The following VEZT variants were observed in gnomAD, a reference collection of about 807,000 sequenced individuals.
The protein encoded by VEZT is vezatin, adherens junctions transmembrane protein.
A neutral mutation model predicts 79.9 loss-of-function variants in VEZT; 39 were observed. The observed-to-expected ratio is 0.49, with a 90% CI of 0.38 to 0.64. The LOEUF is 0.64. Among genes scored for constraint, VEZT ranks in the 30% least tolerant of loss-of-function variants. VEZT has a pLI of 0.00. For missense variants in VEZT, 837 were observed against 893.1 expected, an observed-to-expected ratio of 0.94 and a Z score of 0.80; for synonymous variants, 325 against 327.6, an observed-to-expected ratio of 0.99 and a Z score of 0.09.
rs868757818 is a variant in VEZT, at chr12:95,258,437, A to G, written c.258+1198A>G. 8 of 293,132 alleles carry G rather than the reference A, an allele frequency of 2.7e-5. No homozygotes were observed. The Middle Eastern group carries it at 1.2e-3, about 46-fold the overall frequency. The allele number at this position is 293,132 out of a possible 1,614,324, so 18.2% of individuals were successfully genotyped here. On this transcript the variant is annotated intron_variant, in intron 3 of 11. Coordinates refer to ENST00000436874, the MANE Select transcript of VEZT (RefSeq NM_017599.4). ...TTCTGTATGCATCCCTTTTGTGCCT[A>G]TATTATGGAGAACTATAAGAATACA...
At chr12:95,232,812 T>A (rs937113121) in intron 1 of VEZT, among the ~76,000 whole-genome samples, 3 of 152,134 alleles carry the variant, frequency 2.0e-5, no homozygotes, top group African/African-American at 7.2e-5. Flanking sequence ...TGTTTTGTTT[T>A]TTGGGTTTTT....
intron 6 of VEZT, among the ~76,000 whole-genome samples, chr12:95,272,598 T>C (rs751522371): frequency 2.0e-5 from 3 of 152,212 alleles, no homozygotes; most frequent in Non-Finnish European, 4.4e-5. Context: ...CAGTAAGATA[T>C]GTAAACCCTT....
At chr12:95,247,387 A>G (rs762539257) in intron 1 of VEZT, among the ~76,000 whole-genome samples, 1 of 152,232 alleles carries the variant, frequency 6.6e-6, no homozygotes, top group Admixed American at 6.5e-5. Flanking sequence ...GCAGAAGCAG[A>G]TATAAGTATC....
chr12:95,252,456 A>G (rs184842005), intron 2 of VEZT: 42 of 154,538 alleles, frequency 2.7e-4, no homozygotes, highest in South Asian at 1.0e-3. Flanking sequence ...ACGCAAATTG[A>G]TATTTCTTAA....
intron 8 of VEZT, chr12:95,286,738 A>AT (rs1164057655): frequency 3.0e-6 from 1 of 329,152 alleles, no homozygotes; most frequent in African/African-American, 2.2e-5. Context: ...TATCTAGTAC[A>AT]TTTTCCACCA....
intron 9 of VEZT, among the ~76,000 whole-genome samples, chr12:95,288,825 A>G (rs1249298656): frequency 6.6e-6 from 1 of 152,158 alleles, no homozygotes; most frequent in African/African-American, 2.4e-5. Context: ...ATATATGCAA[A>G]TACTTATGCA....
At position 95,262,953 on chromosome 12, in the gene VEZT, A is replaced by AG. The variant is rs1163506586; in HGVS notation, c.307dup (p.Val103GlyfsTer11). On this transcript the variant is annotated frameshift_variant, in exon 4 of 12. Transcript: ENST00000436874. LOFTEE classifies it high-confidence loss of function. ...CATTACATACCATCCTGCAACAGGA[A>AG]GTCCTGTTACAAGAGGATGTGGAGC... The AG allele has an allele frequency of 6.2e-7, 1 of 1,612,076 alleles. No individual in the cohort carries two copies. Among genetic ancestry groups the AG allele is most frequent in the African/African-American group, 1.3e-5 (1 of 74,914 alleles).
At chr12:95,229,234 G>C (rs1367394337) in intron 1 of VEZT, among the ~76,000 whole-genome samples, 1 of 152,066 alleles carries the variant, frequency 6.6e-6, no homozygotes, top group Non-Finnish European at 1.5e-5. Flanking sequence ...AAAGTAGGTA[G>C]TTCTCTCTTT....
At chr12:95,277,018 G>A (rs1383870982) in intron 7 of VEZT, among the ~76,000 whole-genome samples, 15 of 147,390 alleles carry the variant, frequency 1.0e-4, no homozygotes, top group South Asian at 2.2e-4. Flanking sequence ...ATCCACCCCC[G>A]CCCCCGCACC....
chr12:95,232,888 C>T (rs1357262641), intron 1 of VEZT, among the ~76,000 whole-genome samples: 1 of 152,150 alleles, frequency 6.6e-6, no homozygotes, highest in African/African-American at 2.4e-5. Flanking sequence ...TCACTGCATC[C>T]TCTACTTCCC....
At chr12:95,242,750 G>GT (rs2061204130) in intron 1 of VEZT, among the ~76,000 whole-genome samples, 1 of 152,090 alleles carries the variant, frequency 6.6e-6, no homozygotes, top group South Asian at 2.1e-4. Flanking sequence ...GCTGGCTCCT[G>GT]TAATCCCAGC....
At chr12:95,265,227 T>G (rs1416622747) in intron 4 of VEZT, among the ~76,000 whole-genome samples, 3 of 152,080 alleles carry the variant, frequency 2.0e-5, no homozygotes, top group African/African-American at 7.2e-5. Flanking sequence ...TTTTAGTCTG[T>G]TAGACTTGCA....
chr12:95,289,033 C>A (rs188936523), intron 9 of VEZT, among the ~76,000 whole-genome samples: 2 of 150,808 alleles, frequency 1.3e-5, no homozygotes, highest in Non-Finnish European at 3.0e-5. Context: ...GAGCTATGAT[C>A]GTGCCACTGC....
intron 3 of VEZT, among the ~76,000 whole-genome samples, chr12:95,261,359 A>G (rs1330038589): frequency 1.3e-5 from 2 of 152,170 alleles, no homozygotes; most frequent in African/African-American, 4.8e-5. Context: ...TATTTTGATC[A>G]TATAGTAGGA....
intron 1 of VEZT, among the ~76,000 whole-genome samples, chr12:95,230,295 T>C (rs1293724594): frequency 6.6e-6 from 1 of 152,224 alleles, no homozygotes; most frequent in East Asian, 1.9e-4. Flanking sequence ...TTGTAATTTA[T>C]GTAGTTGACA....
intron 8 of VEZT, chr12:95,286,743 C>T (rs942831452): frequency 7.0e-6 from 3 of 425,882 alleles, no homozygotes; most frequent in South Asian, 1.9e-5. Context: ...AGTACATTTT[C>T]CACCACAAAT....
intron 1 of VEZT, among the ~76,000 whole-genome samples, chr12:95,246,154 G>A (rs983917125): frequency 5.3e-5 from 8 of 150,596 alleles, no homozygotes; most frequent in Admixed American, 6.6e-5. Context: ...ACGGAGTCTC[G>A]CTCTGTTGCC....
At position 95,217,830 on chromosome 12, in the gene VEZT, C is replaced by T. The variant is rs529961383; in HGVS notation, c.-21C>T. ...GCCTTCATTTCCCATCGTGCTGAGG[C>T]GGGTGGCATGGCGGAGAAGGATGAC... On this transcript the variant is annotated 5_prime_UTR_variant, in exon 1 of 12. Coordinates refer to ENST00000436874, the MANE Select transcript of VEZT (RefSeq NM_017599.4). 10 of 1,545,300 alleles carry T rather than the reference C, an allele frequency of 6.5e-6. No homozygotes were observed. The highest frequency in any genetic ancestry group is 8.7e-6 in the Non-Finnish European group (10 of 1,150,954).
intron 3 of VEZT, among the ~76,000 whole-genome samples, chr12:95,258,724 A>G (rs1216636101): frequency 6.6e-6 from 1 of 152,156 alleles, no homozygotes; most frequent in African/African-American, 2.4e-5. Context: ...GGGTAGTGGT[A>G]ATGGCACTTT....
Sources: allele counts gnomAD v4.1 joint callset (sites outside exome capture counted in the v4.1 genomes callset), GRCh38; gene constraint gnomAD v4.1.1; transcripts MANE v1.5; gene names NCBI Gene and HGNC (gene_info 2026-07-23, HGNC 2026-07-21).